The following DTX1 variants were observed in gnomAD, a reference collection of about 807,000 sequenced individuals.
DTX1 encodes the protein E3 ubiquitin-protein ligase DTX1.
A neutral mutation model predicts 57.8 loss-of-function variants in DTX1; 26 were observed. That is an observed-to-expected ratio of 0.45 (90% CI 0.33 to 0.62). The LOEUF is 0.62. Among genes scored for constraint, DTX1 ranks in the 20% least tolerant of loss-of-function variants. The probability of loss-of-function intolerance (pLI) is 0.02; values close to 1 mark genes in which losing one functional copy is unlikely to be tolerated. For synonymous variants in DTX1, 398 were observed against 394.1 expected, an observed-to-expected ratio of 1.01 and a Z score of -0.12; for missense variants, 704 against 895.3, an observed-to-expected ratio of 0.79 and a Z score of 2.73.
chr12:113,097,071 G>T lies in DTX1; in HGVS notation c.*132G>T. The stretch of plus-strand genomic sequence containing the variant: ...CGGAAGGGGCCGCAGCCATTCAGGG[G>T]ACCTGCCTGGTGGCAGCTGGGATGA... On this transcript the variant is annotated 3_prime_UTR_variant, in exon 10 of 10. Transcript: ENST00000548759. 5 of 1,011,958 alleles carry T rather than the reference G, an allele frequency of 4.9e-6. No homozygotes were observed. The highest frequency in any genetic ancestry group is 7.0e-6 in the Non-Finnish European group (5 of 712,838). The allele number at this position is 1,011,958 out of a possible 1,614,324, so 62.7% of individuals were successfully genotyped here.
In DTX1 at chr12:113,093,371, G is replaced by C. The variant is rs1950261009; in HGVS notation, c.1003+148G>C. The C allele has an allele frequency of 1.5e-6, 2 of 1,330,654 alleles. No individual in the cohort carries two copies. The highest frequency in any genetic ancestry group is 1.0e-6 in the Non-Finnish European group (1 of 996,256). The allele number at this position is 1,330,654 out of a possible 1,614,324, so 82.4% of individuals were successfully genotyped here. On this transcript the variant is annotated intron_variant, in intron 4 of 9. Coordinates refer to ENST00000548759, the MANE Select transcript of DTX1 (RefSeq NM_004416.3). The surrounding 1 kb of genome is among the most constrained non-coding windows in gnomAD (Gnocchi z 4.2). ...CCACTGGGCCCAGGACACAGGGCGG[G>C]CGTGGCCCGCAGAAAGGCCCTTCAG...
chr12:113,066,922 G>A (rs1566014209), intron 2 of DTX1, among the ~76,000 whole-genome samples: 1 of 152,030 alleles, frequency 6.6e-6, no homozygotes, highest in African/African-American at 2.4e-5. Context: ...TCTAGGTCCC[G>A]CATAGTTGTG....
intron 1 of DTX1, among the ~76,000 whole-genome samples, 183 bp downstream of exon 1, chr12:113,057,127 A>G (rs2044629523): frequency 6.6e-6 from 1 of 151,158 alleles, no homozygotes; most frequent in Admixed American, 6.6e-5. Context: ...CCGCGCCTGC[A>G]GCGCCGCGCA....
chr12:113,058,461 C>T lies in DTX1; in HGVS notation c.259+10C>T. 1 of 1,584,468 alleles carries T rather than the reference C, an allele frequency of 6.3e-7. No individual in the cohort carries two copies. The highest frequency in any genetic ancestry group is 8.6e-7 in the Non-Finnish European group (1 of 1,169,542). ...TTTCGCCAGGACACAGGTGAGCAGA[C>T]ACCCACCCCATGCCACCCGCCCCGC... is the stretch of plus-strand genomic sequence containing the variant. On this transcript the variant is annotated intron_variant, in intron 2 of 9. Coordinates refer to ENST00000548759, the MANE Select transcript of DTX1 (RefSeq NM_004416.3).
chr12:113,066,241 T>A (rs546998545), intron 2 of DTX1, among the ~76,000 whole-genome samples: 1 of 143,756 alleles, frequency 7.0e-6, no homozygotes. Context: ...AATCATGGGG[T>A]GTGTAGGCCG....
intron 2 of DTX1, among the ~76,000 whole-genome samples, chr12:113,063,429 C>T (rs1332100429): frequency 6.6e-6 from 1 of 152,226 alleles, no homozygotes; most frequent in Non-Finnish European, 1.5e-5. Context: ...TGTAACTCAG[C>T]CACTTCCGCA....
At chr12:113,079,306 G>A (rs112159279) in intron 3 of DTX1, among the ~76,000 whole-genome samples, 6 of 152,198 alleles carry the variant, frequency 3.9e-5, no homozygotes, top group South Asian at 2.1e-4. Context: ...TGGCATGGCC[G>A]GGGGAATTGA....
intron 3 of DTX1, among the ~76,000 whole-genome samples, chr12:113,081,886 C>T (rs898950970): frequency 6.6e-6 from 1 of 152,014 alleles, no homozygotes; most frequent in African/African-American, 2.4e-5. Context: ...ATTTTTTACC[C>T]CAAATGGGGG....
At chr12:113,087,237 A>G (rs903471895) in intron 3 of DTX1, among the ~76,000 whole-genome samples, 2 of 152,128 alleles carry the variant, frequency 1.3e-5, no homozygotes, top group East Asian at 1.9e-4. Flanking sequence ...TCTCTAGAAC[A>G]TGGAAGTAAG....
intron 2 of DTX1, among the ~76,000 whole-genome samples, chr12:113,072,530 C>T (rs997715045): frequency 2.0e-5 from 3 of 151,994 alleles, no homozygotes; most frequent in Non-Finnish European, 1.5e-5. Flanking sequence ...TCATTGAGTG[C>T]TTACTAAATG....
chr12:113,080,800 A>T (rs983755657), intron 3 of DTX1, among the ~76,000 whole-genome samples: 4 of 152,022 alleles, frequency 2.6e-5, no homozygotes, highest in Non-Finnish European at 5.9e-5. Flanking sequence ...ACATAGCAAG[A>T]CACCATCTCT....
intron 3 of DTX1, among the ~76,000 whole-genome samples, chr12:113,091,144 T>A (rs1045002985): frequency 1.2e-4 from 19 of 152,104 alleles, no homozygotes; most frequent in Admixed American, 1.0e-3. Context: ...GCGGTACTGG[T>A]CTACATGAGC....
intron 2 of DTX1, 23 bp downstream of exon 2, chr12:113,058,474 C>T (rs1282585567): frequency 1.3e-6 from 2 of 1,570,262 alleles, no homozygotes; most frequent in South Asian, 1.2e-5. Flanking sequence ...CCACCCCATG[C>T]CACCCGCCCC....
intron 3 of DTX1, among the ~76,000 whole-genome samples, chr12:113,083,403 G>A (rs1015271946): frequency 2.6e-5 from 4 of 151,976 alleles, no homozygotes; most frequent in Admixed American, 6.6e-5. Context: ...TTGGCTCACT[G>A]CAACCTCCAC....
chr12:113,058,434 A>C lies in DTX1; in HGVS notation c.242A>C (p.Gln81Pro). Residue 81 changes from glutamine (Q) to proline (P), a missense_variant, in exon 2 of 10, where the codon CAG becomes CCG. By Grantham distance (76) the Gln-to-Pro change is moderately conservative. This residue lies in a region of DTX1 where 237 missense variants were observed against 328.6 expected (regional missense o/e 0.72). Coordinates refer to ENST00000548759, the MANE Select transcript of DTX1 (RefSeq NM_004416.3). ...ATCATCGACCTGCAGTCCATGCACC[A>C]GTTTCGCCAGGACACAGGTGAGCAG... Reference protein sequence around the residue: ...PYIIDLQSMHQFRQDTGTMRP... With the variant: ...PYIIDLQSMHPFRQDTGTMRP... 6.2e-7 allele frequency: 1 copy of C among 1,602,646 alleles called. No homozygotes were observed. The highest frequency in any genetic ancestry group is 8.5e-7 in the Non-Finnish European group (1 of 1,179,198).
intron 9 of DTX1, among the ~76,000 whole-genome samples, chr12:113,096,184 G>T (rs1170331634): frequency 6.6e-6 from 1 of 150,634 alleles, no homozygotes; most frequent in East Asian, 1.9e-4. Context: ...CAGCCTGGGT[G>T]ACAGAGCAAG....
At chr12:113,082,569 C>G (rs1321968644) in intron 3 of DTX1, among the ~76,000 whole-genome samples, 3 of 152,152 alleles carry the variant, frequency 2.0e-5, no homozygotes, top group African/African-American at 7.2e-5. Context: ...CCAGCCCTCC[C>G]AACCCTGGTC....
chr12:113,058,298 C>T lies in DTX1; in HGVS notation c.106C>T (p.Arg36Cys), dbSNP rs958902509. ...GTGGGAGTGGCTGAATGAGCACAGC[C>T]GCTGGCGGCCCTACACGGCCACCGT... ...VVWEWLNEHS[R>C]WRPYTATVCH... The change falls in exon 2 of 10, where the codon CGC becomes TGC. Residue 36 changes from arginine to cysteine, a missense_variant. This residue lies in a region of DTX1 where 237 missense variants were observed against 328.6 expected (regional missense o/e 0.72). Transcript: ENST00000548759. 2 of 1,613,634 alleles carry T rather than the reference C, an allele frequency of 1.2e-6. No homozygotes were observed.
intron 3 of DTX1, among the ~76,000 whole-genome samples, chr12:113,086,252 C>G (rs1210198668): frequency 6.9e-6 from 1 of 144,670 alleles, no homozygotes; most frequent in Non-Finnish European, 1.5e-5. Context: ...GAGCAAAACC[C>G]TGTATCAAGA....
Sources: gnomAD v4.1 joint callset for allele counts (sites outside exome capture counted in the v4.1 genomes callset) on GRCh38, gnomAD v4.1.1 for gene constraint, gnomAD v4.1.1 regional missense constraint, Gnocchi (gnomAD v3.1) non-coding constraint, MANE v1.5 for transcripts, NCBI Gene and HGNC (gene_info 2026-07-23, HGNC 2026-07-21) for gene names.